Variants in CASP9 observed in about 807,000 individuals in gnomAD.
The protein encoded by CASP9 is caspase-9.
Under a neutral mutation model 43.5 loss-of-function variants are expected in CASP9, and 29 were observed. That is an observed-to-expected ratio of 0.67 (90% CI 0.50 to 0.91). CASP9 has a LOEUF of 0.91. Among genes scored for constraint, CASP9 ranks in the 40% least tolerant of loss-of-function variants. CASP9 has a pLI of 0.00. For missense variants in CASP9, 575 were observed against 537.4 expected, an observed-to-expected ratio of 1.07 and a Z score of -0.69; for synonymous variants, 206 against 211.9, an observed-to-expected ratio of 0.97 and a Z score of 0.24.
intron 6 of CASP9, among the ~76,000 whole-genome samples, chr1:15,496,069 C>T (rs1207178974): frequency 6.6e-6 from 1 of 152,192 alleles, no homozygotes; most frequent in East Asian, 1.9e-4. Flanking sequence ...AGACCTGTCT[C>T]CTGGGCGTGC....
In CASP9 at chr1:15,492,681, AAGTC is replaced by A. The variant is rs2103320398; in HGVS notation, c.*258_*261del. On this transcript the variant is annotated 3_prime_UTR_variant, in exon 9 of 9. Transcript: ENST00000333868. ...AGACAACACAGGGATCATGGGACAC[AAGTC>A]ACTAGCCCTGGACCAGCCACTGCTC... 1.9e-6 allele frequency: 1 copy of A among 526,270 alleles called. No homozygotes were observed. Among genetic ancestry groups the A allele is most frequent in the African/African-American group, 1.9e-5 (1 of 52,720 alleles). 32.6% of individuals were successfully genotyped at this position (526,270 alleles called of 1,614,324 possible). A position where few individuals can be genotyped will look rare whatever the true frequency, so the allele number is the denominator to read the frequency against.
chr1:15,499,732 G>T (rs2103335764), intron 6 of CASP9, among the ~76,000 whole-genome samples: 1 of 152,322 alleles, frequency 6.6e-6, no homozygotes, highest in East Asian at 1.9e-4. Flanking sequence ...GATGATGAAG[G>T]CCATGGAGAT....
chr1:15,507,204 C>G, intron 3 of CASP9, 129 bp from the exon 4 acceptor site: 1 of 1,037,684 alleles, frequency 9.6e-7, no homozygotes, highest in East Asian at 2.6e-5. Flanking sequence ...CCCGGCATTC[C>G]AGGGCAAAAG....
intron 6 of CASP9, among the ~76,000 whole-genome samples, chr1:15,503,538 C>A (rs562783213): frequency 2.0e-5 from 3 of 152,208 alleles, no homozygotes; most frequent in Admixed American, 6.5e-5. Flanking sequence ...ATCCCCAGCA[C>A]CTAACGCACA....
chr1:15,524,459 G>A, upstream of CASP9: 4 of 928,568 alleles, frequency 4.3e-6, no homozygotes, highest in South Asian at 6.6e-5. Flanking sequence ...TCCCATCACC[G>A]CGCCGCCCCA....
chr1:15,524,538 C>A, upstream of CASP9: 1 of 396,658 alleles, frequency 2.5e-6, no homozygotes, highest in Non-Finnish European at 3.5e-6. Flanking sequence ...CAGAATCCAC[C>A]ACTGCGTCCC....
chr1:15,501,266 T>C (rs1039404963), intron 6 of CASP9, among the ~76,000 whole-genome samples: 5 of 152,174 alleles, frequency 3.3e-5, no homozygotes, highest in African/African-American at 4.8e-5. Flanking sequence ...CACGCTGACG[T>C]TGCACACCAA....
rs761028492 is a variant in CASP9, at chr1:15,493,050, C to T, written c.1159-15G>A. On this transcript the variant is annotated splice_polypyrimidine_tract_variant and intron_variant, in intron 8 of 8. Coordinates refer to ENST00000333868, the MANE Select transcript of CASP9 (RefSeq NM_001229.5). Reference sequence around the variant, plus strand: ...GCATTAGCGACCTGTAAGACATGACCATGGAGAGCTCTGTGAGTTCAGTTC... The same window carrying T: ...GCATTAGCGACCTGTAAGACATGACTATGGAGAGCTCTGTGAGTTCAGTTC... 3.7e-6 allele frequency: 6 copies of T among 1,613,624 alleles called. No homozygotes were observed. Among genetic ancestry groups the T allele is most frequent in the South Asian group, 2.2e-5 (2 of 91,072 alleles).
intron 4 of CASP9, among the ~76,000 whole-genome samples, chr1:15,506,467 C>CA (rs1709528036): frequency 1.3e-5 from 2 of 151,748 alleles, no homozygotes; most frequent in Admixed American, 6.6e-5. Context: ...CCGCCCCCCC[C>CA]AAAAAATAAA....
Position 15,491,750 on chromosome 1 carries a change from C to T in CASP9, c.*1193G>A, listed in dbSNP as rs1708901564. ...TCCAGCCTGGGCGACAGAGTGAGAC[C>T]CTATCTCCAAAAAAAAAGGCCCAAA... On this transcript the variant is annotated 3_prime_UTR_variant, in exon 9 of 9. Transcript: ENST00000333868. The T allele has an allele frequency of 5.8e-6, 1 of 172,594 alleles. No individual in the cohort carries two copies. The highest frequency in any genetic ancestry group is 1.3e-4 in the South Asian group (1 of 7,650). 10.7% of individuals were successfully genotyped at this position (172,594 alleles called of 1,614,324 possible). A position where few individuals can be genotyped will look rare whatever the true frequency, so the allele number is the denominator to read the frequency against.
chr1:15,494,669 G>A (rs9700738), intron 7 of CASP9, among the ~76,000 whole-genome samples: 2 of 150,982 alleles, frequency 1.3e-5, no homozygotes, highest in South Asian at 2.1e-4. Flanking sequence ...CGAGACCATC[G>A]TGGCTAACAC....
intron 2 of CASP9, among the ~76,000 whole-genome samples, chr1:15,516,696 AC>A (rs1709963920): frequency 6.6e-6 from 1 of 151,964 alleles, no homozygotes; most frequent in African/African-American, 2.4e-5. Context: ...AGGAACAAGT[AC>A]CCTTTAACAC....
chr1:15,493,497 G>C, intron 8 of CASP9: 1 of 1,327,522 alleles, frequency 7.5e-7, no homozygotes, highest in Non-Finnish European at 9.6e-7. Context: ...TGTACAAGGA[G>C]GGGTTCACAA....
chr1:15,492,836 G>T lies in CASP9; in HGVS notation c.*107C>A. ...GCAGAGAAAGAGCAGACCCTGTGCC[G>T]GCTGCAAAGTCCTTGAGTTGCAGGA... On this transcript the variant is annotated 3_prime_UTR_variant, in exon 9 of 9. Coordinates refer to ENST00000333868, the MANE Select transcript of CASP9 (RefSeq NM_001229.5). 4 of 1,467,942 alleles carry T rather than the reference G, an allele frequency of 2.7e-6. No individual in the cohort carries two copies. The highest frequency in any genetic ancestry group is 3.7e-6 in the Non-Finnish European group (4 of 1,090,902). 90.9% of individuals were successfully genotyped at this position (1,467,942 alleles called of 1,614,324 possible). A position where few individuals can be genotyped will look rare whatever the true frequency, so the allele number is the denominator to read the frequency against.
At position 15,518,225 on chromosome 1, in the gene CASP9, T is replaced by C; in HGVS notation, c.303A>G (p.Pro101=). 6.2e-7 allele frequency: 1 copy of C among 1,614,240 alleles called. No homozygotes were observed. The highest frequency in any genetic ancestry group is 8.5e-7 in the Non-Finnish European group (1 of 1,180,040). The change falls in exon 2 of 9, where the codon CCA becomes CCG. Residue 101 remains proline, a synonymous_variant. Coordinates refer to ENST00000333868, the MANE Select transcript of CASP9 (RefSeq NM_001229.5). ...TNRQAAKLSK[P]TLENLTPVVL... ...CCACTGGGGTAAGGTTTTCTAGGGT[T>C]GGCTTCGACAACTTTGCTGCTTGCC...
intron 2 of CASP9, among the ~76,000 whole-genome samples, chr1:15,512,225 T>C (rs1029769601): frequency 6.6e-6 from 1 of 152,208 alleles, no homozygotes; most frequent in African/African-American, 2.4e-5. Flanking sequence ...AAGCCACTGA[T>C]GGTTGAGTTC....
chr1:15,494,862 CAAAAAAAAAAA>C (rs563954013), intron 7 of CASP9, among the ~76,000 whole-genome samples: 7 of 44,298 alleles, frequency 1.6e-4, no homozygotes, highest in Non-Finnish European at 1.8e-4. Context: ...GATTCCATCT[CAAAAAAAAAAA>C]AAAAAAAAAA....
chr1:15,493,224 AT>A, intron 8 of CASP9, 189 bp from the exon 9 acceptor site: 1 of 1,407,988 alleles, frequency 7.1e-7, no homozygotes, highest in African/African-American at 1.4e-5. Context: ...AAAATTCAAA[AT>A]TTCCAAATTC....
At chr1:15,499,237 C>T (rs1216965352) in intron 6 of CASP9, among the ~76,000 whole-genome samples, 1 of 152,154 alleles carries the variant, frequency 6.6e-6, no homozygotes, top group Non-Finnish European at 1.5e-5. Flanking sequence ...TGGGATTTTT[C>T]CATGTTTCTT....
Sources: gnomAD v4.1 joint callset for allele counts (sites outside exome capture counted in the v4.1 genomes callset) on GRCh38, gnomAD v4.1.1 for gene constraint, MANE v1.5 for transcripts, NCBI Gene and HGNC (gene_info 2026-07-23, HGNC 2026-07-21) for gene names.